DAB1: variants seen among roughly 807,000 people sequenced by gnomAD.
The protein encoded by DAB1 is disabled homolog 1.
A neutral mutation model predicts 64.6 loss-of-function variants in DAB1; 15 were observed. That is an observed-to-expected ratio of 0.23 (90% confidence interval 0.16 to 0.36). The LOEUF is 0.36. Among genes scored for constraint, DAB1 ranks in the 10% least tolerant of loss-of-function variants. The pLI is 1.00. For missense variants in DAB1, 596 were observed against 706.7 expected (o/e 0.84, Z 1.78); for synonymous variants, 235 against 251.9 (o/e 0.93, Z 0.64).
rs577078440 is a variant in DAB1, at chr1:57,553,458, A to G, written n.625+96134T>C. Among the ~76,000 whole-genome samples the G allele has an allele frequency of 1.5e-3, 200 of 132,196 alleles. 7 individuals are homozygous for G. The highest frequency in any genetic ancestry group is 5.8e-3 in the African/African-American group (194 of 33,620). The allele number at this position is 132,196 out of a possible 152,430, so 86.7% of individuals were successfully genotyped here. ...AGAAAGAAAGAGAAAGAAAGAAAGA[A>G]AGAGAAAGGGAAAGAAAGGAAGGAA... On this transcript the variant is annotated intron_variant and non_coding_transcript_variant, in intron 7 of 20. Coordinates refer to the DAB1 transcript ENST00000485760.
intron 8 of DAB1, among the ~76,000 whole-genome samples, chr1:57,067,827 T>C (rs753450277): frequency 1.8e-4 from 28 of 152,294 alleles, no homozygotes; most frequent in Non-Finnish European, 2.8e-4. Context: ...AGACTCCACA[T>C]TTTGTGACCC....
At chr1:58,502,536 T>C (rs1645923016) in intron 3 of DAB1, among the ~76,000 whole-genome samples, 6 of 152,208 alleles carry the variant, frequency 3.9e-5, no homozygotes, top group African/African-American at 2.4e-5. Context: ...AACTTCACCA[T>C]ACTGCTAGAG....
chr1:57,572,107 T>C (rs1420834753), intron 7 of DAB1, among the ~76,000 whole-genome samples: 1 of 152,164 alleles, frequency 6.6e-6, no homozygotes, highest in Non-Finnish European at 1.5e-5. Flanking sequence ...GACTTAGTTT[T>C]AGGGCCCAGA....
chr1:58,065,150 T>TA (rs1351830496), intron 5 of DAB1, among the ~76,000 whole-genome samples: 4 of 152,198 alleles, frequency 2.6e-5, no homozygotes, highest in African/African-American at 9.6e-5. Context: ...ATTGAGCACT[T>TA]ACCCTGTGCT....
chr1:57,853,947 T>C (rs1653643623), intron 1 of DAB1, among the ~76,000 whole-genome samples: 1 of 152,238 alleles, frequency 6.6e-6, no homozygotes, highest in Admixed American at 6.5e-5. Flanking sequence ...CTGTTTTTGC[T>C]TGTATTACAC....
At chr1:57,931,957 T>C (rs1644959141) in intron 5 of DAB1, among the ~76,000 whole-genome samples, 1 of 152,162 alleles carries the variant, frequency 6.6e-6, no homozygotes, top group Non-Finnish European at 1.5e-5. Context: ...TTTAGATCTT[T>C]CTTCTTTTCT....
intron 6 of DAB1, among the ~76,000 whole-genome samples, chr1:57,736,752 C>T (rs999022183): frequency 6.6e-6 from 1 of 152,086 alleles, no homozygotes; most frequent in Non-Finnish European, 1.5e-5. Flanking sequence ...TCCTTCCCTC[C>T]CTCTCTCACT....
At chr1:57,937,517 T>A (rs1448580123) in intron 5 of DAB1, among the ~76,000 whole-genome samples, 1 of 151,770 alleles carries the variant, frequency 6.6e-6, no homozygotes, top group Non-Finnish European at 1.5e-5. Flanking sequence ...GGGAGGCAAG[T>A]GGGGATACCA....
At chr1:57,822,078 A>G (rs147963553), downstream of DAB1, among the ~76,000 whole-genome samples, 226 of 152,344 alleles carry the variant, frequency 1.5e-3, 5 homozygotes, top group South Asian at 0.037. Flanking sequence ...AATGGCCAAC[A>G]GTAGGTGGAG....
chr1:57,837,198 T>G (rs983844940), intron 1 of DAB1, among the ~76,000 whole-genome samples: 13 of 152,236 alleles, frequency 8.5e-5, no homozygotes, highest in Non-Finnish European at 1.9e-4. Flanking sequence ...GTAACCAGAA[T>G]GATCTTTTTA....
chr1:57,207,446 CTTT>C (rs772989513), intron 2 of DAB1, among the ~76,000 whole-genome samples: 3 of 98,450 alleles, frequency 3.0e-5, no homozygotes, highest in Admixed American at 2.4e-4. Context: ...TATTTCCTTT[CTTT>C]TTTTTTTTTT....
chr1:58,082,843 C>G (rs1650082226), intron 5 of DAB1, among the ~76,000 whole-genome samples: 2 of 152,024 alleles, frequency 1.3e-5, no homozygotes. Context: ...TTTGGACATC[C>G]ATCGTCTGAA....
At chr1:57,206,378 C>A (rs549738359) in intron 2 of DAB1, among the ~76,000 whole-genome samples, 2 of 152,188 alleles carry the variant, frequency 1.3e-5, no homozygotes, top group African/African-American at 4.8e-5. Flanking sequence ...CAGCTCCACA[C>A]AAATTCCTAG....
chr1:58,213,270 T>C (rs1658660344), intron 4 of DAB1, among the ~76,000 whole-genome samples: 5 of 152,150 alleles, frequency 3.3e-5, no homozygotes, highest in Admixed American at 2.6e-4. Context: ...TCTATTCCAA[T>C]CCAGACATTT....
At chr1:58,166,859 C>A (rs1655866570) in intron 4 of DAB1, among the ~76,000 whole-genome samples, 1 of 151,514 alleles carries the variant, frequency 6.6e-6, no homozygotes, top group South Asian at 2.1e-4. Context: ...GATTCTCATG[C>A]CTCAGCCTCG....
At chr1:58,243,699 C>G (rs1192461596) in intron 4 of DAB1, among the ~76,000 whole-genome samples, 1 of 152,144 alleles carries the variant, frequency 6.6e-6, no homozygotes, top group Non-Finnish European at 1.5e-5. Flanking sequence ...CACAAGGTGC[C>G]TTTCACTCTC....
chr1:57,178,249 C>T lies in DAB1; in HGVS notation c.68-32820G>A, dbSNP rs573268316. ...GCTAAATATACATACTTCCTCTGAC[C>T]CAGCAATTCCATCCTCCATAATTGC... On this transcript the variant is annotated intron_variant, in intron 2 of 14. Coordinates refer to ENST00000371236, the MANE Select transcript of DAB1 (RefSeq NM_001365792.1). 1.8e-4 allele frequency among the ~76,000 whole-genome samples: 28 copies of T among 151,510 alleles called. 1 individual carries two copies. In the South Asian group the frequency reaches 5.4e-3, roughly 29 times the overall value.
intron 5 of DAB1, among the ~76,000 whole-genome samples, chr1:58,108,305 G>T (rs1393419699): frequency 2.0e-5 from 3 of 152,156 alleles, no homozygotes; most frequent in Admixed American, 6.5e-5. Flanking sequence ...AGTAGAGGTG[G>T]GGATAGACAG....
chr1:57,118,242 T>C (rs1413567308), intron 4 of DAB1, among the ~76,000 whole-genome samples: 1 of 152,100 alleles, frequency 6.6e-6, no homozygotes, highest in Non-Finnish European at 1.5e-5. Context: ...TCGAACAGAC[T>C]CTCTAATGAC....
Sources: gnomAD v4.1 joint callset for allele counts (sites outside exome capture counted in the v4.1 genomes callset) on GRCh38, gnomAD v4.1.1 for gene constraint, MANE v1.5 for transcripts, NCBI Gene and HGNC (gene_info 2026-07-23, HGNC 2026-07-21) for gene names.